CAMTA1: variants seen among roughly 807,000 people sequenced by gnomAD.
The protein encoded by CAMTA1 is calmodulin-binding transcription activator 1.
CAMTA1 carries 27 observed loss-of-function variants against 170.9 expected under a neutral mutation model. That is an observed-to-expected ratio of 0.16 (90% CI 0.12 to 0.22). The LOEUF (loss-of-function observed/expected upper bound fraction) is 0.22. Ranked by LOEUF, CAMTA1 falls within the 10% of genes least tolerant of loss-of-function variation. The pLI is 1.00. For synonymous variants in CAMTA1, 833 were observed against 891.5 expected (o/e 0.93, Z 1.17); for missense variants, 1,619 against 2,217.2 (o/e 0.73, Z 5.42).
In CAMTA1 at chr1:7,325,307, G is replaced by A. The variant is rs918119676; in HGVS notation, c.438+75681G>A. On this transcript the variant is annotated intron_variant, in intron 5 of 22. Transcript: ENST00000303635. The surrounding 1 kb of genome is among the most constrained non-coding windows in gnomAD (Gnocchi z 5.0). The stretch of plus-strand genomic sequence containing the variant: ...AAAGGTAGAACAAGATAGGGAGGCT[G>A]GGAATGCAAATGGCAGTTTTCTGTG... Among the ~76,000 whole-genome samples the A allele has an allele frequency of 1.3e-5, 2 of 152,190 alleles. No homozygotes were observed. Among genetic ancestry groups the A allele is most frequent in the Non-Finnish European group, 2.9e-5 (2 of 68,032 alleles).
intron 5 of CAMTA1, among the ~76,000 whole-genome samples, chr1:7,263,597 A>G (rs558166966): frequency 9.9e-5 from 15 of 152,280 alleles, no homozygotes; most frequent in Admixed American, 6.5e-5. Context: ...CACCCCTGGT[A>G]TTGAGTGCAT....
chr1:7,393,620 T>G (rs538534607), intron 5 of CAMTA1, among the ~76,000 whole-genome samples: 48 of 152,298 alleles, frequency 3.2e-4, no homozygotes, highest in African/African-American at 1.1e-3. Flanking sequence ...AGTGCAATGT[T>G]TTGACACATG....
intron 4 of CAMTA1, among the ~76,000 whole-genome samples, chr1:7,140,001 A>G (rs1159450257): frequency 1.3e-5 from 2 of 152,202 alleles, no homozygotes; most frequent in Non-Finnish European, 2.9e-5. Flanking sequence ...TAAATGCTTT[A>G]TGTACATTAT....
chr1:6,949,772 G>A (rs1006516569), intron 3 of CAMTA1, among the ~76,000 whole-genome samples: 64 of 152,340 alleles, frequency 4.2e-4, no homozygotes, highest in African/African-American at 1.5e-3. Flanking sequence ...TGACATTAAC[G>A]TTGCATCCCC....
intron 3 of CAMTA1, among the ~76,000 whole-genome samples, chr1:6,885,851 G>A (rs1040295616): frequency 2.0e-5 from 3 of 152,024 alleles, no homozygotes; most frequent in African/African-American, 7.2e-5. Flanking sequence ...CCTACTTGCT[G>A]TTCCCTTCTC....
Position 7,050,528 on chromosome 1 carries a change from G to A in CAMTA1, c.235-40776G>A, listed in dbSNP as rs569617691. On this transcript the variant is annotated intron_variant, in intron 3 of 22. Transcript: ENST00000303635. The surrounding 1 kb of genome is among the most constrained non-coding windows in gnomAD (Gnocchi z 4.8). ...TCGCGGGGGTGTGGAGTCTAGGGCT[G>A]AAGTCACGGGGTAGACTTCAGACTT... is the stretch of plus-strand genomic sequence containing the variant. Among the ~76,000 whole-genome samples the A allele has an allele frequency of 6.6e-6, 1 of 152,276 alleles. No homozygotes were observed. The highest frequency in any genetic ancestry group is 2.4e-5 in the African/African-American group (1 of 41,552).
chr1:7,102,019 ACACAACACACACACACACAC>A (rs1452910933), intron 4 of CAMTA1, among the ~76,000 whole-genome samples: 1 of 135,548 alleles, frequency 7.4e-6, no homozygotes, highest in African/African-American at 2.8e-5. Flanking sequence ...ATGCATAAAT[ACACAACACACACACACACAC>A]ACACACACAC....
At chr1:6,891,435 G>C (rs1022069497) in intron 3 of CAMTA1, among the ~76,000 whole-genome samples, 3 of 152,150 alleles carry the variant, frequency 2.0e-5, no homozygotes, top group Non-Finnish European at 4.4e-5. Context: ...CATCCTTCTG[G>C]TTTTAGCTTG....
At chr1:7,319,095 G>T (rs573607107) in intron 5 of CAMTA1, among the ~76,000 whole-genome samples, 2 of 152,130 alleles carry the variant, frequency 1.3e-5, no homozygotes, top group Non-Finnish European at 2.9e-5. Flanking sequence ...AGGGGAGGGG[G>T]GAAGGCAGAC....
chr1:6,820,050 C>T, intron 1 of CAMTA1, 131 bp from the exon 2 acceptor site: 1 of 658,496 alleles, frequency 1.5e-6, no homozygotes, highest in Non-Finnish European at 2.8e-6. Flanking sequence ...TGGAATGTTC[C>T]TTGATTTGGA....
chr1:7,464,952 G>A (rs1312654212), intron 5 of CAMTA1, among the ~76,000 whole-genome samples: 4 of 152,150 alleles, frequency 2.6e-5, no homozygotes, highest in African/African-American at 9.7e-5. Context: ...CATCAGCAGG[G>A]GATTGCCGTG....
At chr1:7,564,300 T>C (rs2095004979) in intron 6 of CAMTA1, among the ~76,000 whole-genome samples, 1 of 152,228 alleles carries the variant, frequency 6.6e-6, no homozygotes, top group Admixed American at 6.5e-5. Flanking sequence ...AGCTCTAATC[T>C]TCCCCTTCCC....
intron 11 of CAMTA1, among the ~76,000 whole-genome samples, chr1:7,703,089 A>G (rs999044743): frequency 6.6e-6 from 1 of 152,200 alleles, no homozygotes; most frequent in Non-Finnish European, 1.5e-5. Flanking sequence ...GCCGCCCTGG[A>G]AAACAAACAG....
chr1:7,514,807 G>GT (rs371984905), intron 6 of CAMTA1, among the ~76,000 whole-genome samples: 3 of 152,292 alleles, frequency 2.0e-5, no homozygotes, highest in African/African-American at 7.2e-5. Flanking sequence ...GCCTGAGAAT[G>GT]TTCCATTCGG....
At chr1:7,425,787 C>T (rs373040856) in intron 5 of CAMTA1, among the ~76,000 whole-genome samples, 51 of 152,196 alleles carry the variant, frequency 3.4e-4, no homozygotes, top group Admixed American at 3.1e-3. Flanking sequence ...CCCACTTGCT[C>T]GCTTCCTAGA....
rs188721679 is a variant in CAMTA1 at position 7,251,062 on chromosome 1, C to A, written c.438+1436C>A. On this transcript the variant is annotated intron_variant, in intron 5 of 22. Coordinates refer to ENST00000303635, the MANE Select transcript of CAMTA1 (RefSeq NM_015215.4). This position sits in a 1 kb window ranked among gnomAD's most constrained non-coding sequence, Gnocchi z 5.1. The stretch of plus-strand genomic sequence containing the variant: ...AAGGCTGGGTGGGGCCCCCGAACAA[C>A]GAGGCTGCTCGCACCGGGAGTAATA... Among the ~76,000 whole-genome samples the A allele has an allele frequency of 6.6e-6, 1 of 152,148 alleles. No individual in the cohort carries two copies. The highest frequency in any genetic ancestry group is 1.5e-5 in the Non-Finnish European group (1 of 68,028).
At chr1:6,874,730 C>T (rs1440072315) in intron 3 of CAMTA1, among the ~76,000 whole-genome samples, 1 of 152,120 alleles carries the variant, frequency 6.6e-6, no homozygotes, top group East Asian at 1.9e-4. Context: ...GCTCCATAAC[C>T]CTTTGTTGAT....
At chr1:7,247,178 G>A (rs1665946999) in intron 4 of CAMTA1, among the ~76,000 whole-genome samples, 1 of 152,178 alleles carries the variant, frequency 6.6e-6, no homozygotes, top group Non-Finnish European at 1.5e-5. Context: ...CATTTATTAA[G>A]GCCATTTAAG....
intron 6 of CAMTA1, among the ~76,000 whole-genome samples, chr1:7,630,458 G>C (rs1187870768): frequency 1.3e-5 from 2 of 152,242 alleles, no homozygotes; most frequent in African/African-American, 4.8e-5. Context: ...AGCCGGCATG[G>C]TTCCCGGAAC....
Sources: gnomAD v4.1 joint callset for allele counts (sites outside exome capture counted in the v4.1 genomes callset) on GRCh38, gnomAD v4.1.1 for gene constraint, Gnocchi (gnomAD v3.1) non-coding constraint, MANE v1.5 for transcripts, NCBI Gene and HGNC (gene_info 2026-07-23, HGNC 2026-07-21) for gene names.